BMP6: variants seen among roughly 807,000 people sequenced by gnomAD.
BMP6 encodes the protein VG-1-R.
BMP6 carries 17 observed loss-of-function variants against 54.1 expected under a neutral mutation model. That is an observed-to-expected ratio of 0.31 (90% CI 0.22 to 0.47). The LOEUF (loss-of-function observed/expected upper bound fraction) is 0.47. Ranked by LOEUF, BMP6 falls within the 20% of genes least tolerant of loss-of-function variation. The probability of loss-of-function intolerance (pLI) is 1.00; values close to 1 mark genes in which losing one functional copy is unlikely to be tolerated. For synonymous variants in BMP6, 328 were observed against 291.2 expected (o/e 1.13, Z -1.28); for missense variants, 720 against 690.4 (o/e 1.04, Z -0.48).
At chr6:7,774,149 C>T (rs1440183910) in intron 1 of BMP6, among the ~76,000 whole-genome samples, 1 of 152,178 alleles carries the variant, frequency 6.6e-6, no homozygotes, top group Non-Finnish European at 1.5e-5. Context: ...TGAAGAGAGA[C>T]ACATGGAACT....
In BMP6 at chr6:7,794,718, A is replaced by C. The variant is rs563997193; in HGVS notation, c.665-50422A>C. Among the ~76,000 whole-genome samples the C allele has an allele frequency of 3.3e-4, 50 of 152,338 alleles. 1 individual carries two copies. The South Asian group carries it at 7.2e-3, about 22-fold the overall frequency. On this transcript the variant is annotated intron_variant, in intron 1 of 6. Transcript: ENST00000283147. ...TACAACCTTAGGAGATCGTATTCTC[A>C]GCCCTAGGTTGAAGGTGAGGAAATG... is the stretch of plus-strand genomic sequence containing the variant.
At chr6:7,768,748 A>G (rs80105521) in intron 1 of BMP6, among the ~76,000 whole-genome samples, 1 of 152,180 alleles carries the variant, frequency 6.6e-6, no homozygotes, top group Non-Finnish European at 1.5e-5. Flanking sequence ...ACAGCTTTCT[A>G]AGAGTGCCGA....
intron 1 of BMP6, among the ~76,000 whole-genome samples, chr6:7,820,477 G>A (rs989800334): frequency 3.9e-5 from 6 of 152,260 alleles, no homozygotes; most frequent in East Asian, 3.9e-4. Flanking sequence ...TTTGCTTCAC[G>A]TGACCCCTTC....
At chr6:7,824,621 T>A (rs1758664098) in intron 1 of BMP6, among the ~76,000 whole-genome samples, 1 of 152,232 alleles carries the variant, frequency 6.6e-6, no homozygotes. Flanking sequence ...ACAGAGGTAA[T>A]CTGATAATCC....
At chr6:7,859,043 C>G (rs560392854) in intron 2 of BMP6, among the ~76,000 whole-genome samples, 170 of 152,224 alleles carry the variant, frequency 1.1e-3, no homozygotes, top group African/African-American at 3.8e-3. Flanking sequence ...TCCACATCCA[C>G]GAATCTGCAC....
chr6:7,859,213 G>C (rs1759296796), intron 2 of BMP6, among the ~76,000 whole-genome samples: 1 of 152,036 alleles, frequency 6.6e-6, no homozygotes, highest in Non-Finnish European at 1.5e-5. Flanking sequence ...ATGTGCGTCT[G>C]CCTCATTCCC....
chr6:7,777,535 G>A (rs1757879399), intron 1 of BMP6, among the ~76,000 whole-genome samples: 1 of 152,120 alleles, frequency 6.6e-6, no homozygotes, highest in Non-Finnish European at 1.5e-5. Flanking sequence ...CTCCCTTGAG[G>A]CCAGTTGGGT....
At chr6:7,844,336 TC>T (rs1401831285) in intron 1 of BMP6, among the ~76,000 whole-genome samples, 4 of 129,262 alleles carry the variant, frequency 3.1e-5, no homozygotes, top group Admixed American at 2.5e-4. Context: ...TTCTATCCTT[TC>T]CCCCCAGTTT....
chr6:7,859,604 G>A (rs1434286377), intron 2 of BMP6, among the ~76,000 whole-genome samples: 4 of 152,102 alleles, frequency 2.6e-5, no homozygotes, highest in African/African-American at 7.2e-5. Context: ...GAACAGAATT[G>A]ATGTCCTCTT....
intron 1 of BMP6, among the ~76,000 whole-genome samples, chr6:7,811,162 G>T (rs1384942263): frequency 6.6e-6 from 1 of 152,180 alleles, no homozygotes; most frequent in Admixed American, 6.5e-5. Context: ...GTAAATTGGG[G>T]CTATTCTCGT....
chr6:7,848,783 A>T (rs918434197), intron 2 of BMP6, among the ~76,000 whole-genome samples: 1 of 152,200 alleles, frequency 6.6e-6, no homozygotes, highest in Non-Finnish European at 1.5e-5. Flanking sequence ...AGTTTACTTC[A>T]TGGTATTGCA....
At position 7,809,855 on chromosome 6, in the gene BMP6, A is replaced by G. The variant is rs551290271; in HGVS notation, c.665-35285A>G. On this transcript the variant is annotated intron_variant, in intron 1 of 6. Transcript: ENST00000283147. ...ATGCTTAGGAATTTTTCTAGGGAAC[A>G]AAACATTATCAAAGACAGCAAAATT... Among the ~76,000 whole-genome samples the G allele has an allele frequency of 9.8e-5, 15 of 152,306 alleles. No individual in the cohort carries two copies. The East Asian group carries it at 2.7e-3, about 27-fold the overall frequency.
rs546792191 is a variant in BMP6 at position 7,807,944 on chromosome 6, G to A, written c.665-37196G>A. The stretch of plus-strand genomic sequence containing the variant: ...TTTTTTTTTTTTTTTTTTTTGAGAC[G>A]GAGTCTTGCTCTGTTGCCCAGGCTG... On this transcript the variant is annotated intron_variant, in intron 1 of 6. Transcript: ENST00000283147. Among the ~76,000 whole-genome samples, 19 of 135,404 alleles carry A rather than the reference G, an allele frequency of 1.4e-4. No individual in the cohort carries two copies. The South Asian group carries it at 3.1e-3, about 22-fold the overall frequency. The allele number at this position is 135,404 out of a possible 152,430, so 88.8% of individuals were successfully genotyped here. A position where few individuals can be genotyped will look rare whatever the true frequency, so the allele number is the denominator to read the frequency against.
At chr6:7,840,860 C>G (rs1208150429) in intron 1 of BMP6, among the ~76,000 whole-genome samples, 1 of 152,194 alleles carries the variant, frequency 6.6e-6, no homozygotes, top group Non-Finnish European at 1.5e-5. Context: ...GAGCCAGCCA[C>G]CAAGGCTGAT....
chr6:7,823,654 A>G (rs1421660671), intron 1 of BMP6, among the ~76,000 whole-genome samples: 2 of 152,158 alleles, frequency 1.3e-5, no homozygotes, highest in Admixed American at 6.5e-5. Context: ...TGAGGAGATG[A>G]TATGTGAGCA....
chr6:7,808,437 C>G (rs1758384976), intron 1 of BMP6, among the ~76,000 whole-genome samples: 1 of 152,142 alleles, frequency 6.6e-6, no homozygotes, highest in African/African-American at 2.4e-5. Flanking sequence ...CTTAACAAAA[C>G]CAATCGCCTG....
chr6:7,773,143 C>T (rs912476630), intron 1 of BMP6, among the ~76,000 whole-genome samples: 12 of 152,198 alleles, frequency 7.9e-5, no homozygotes, highest in Non-Finnish European at 1.8e-4. Flanking sequence ...TTTTGCCCAA[C>T]TGATGCCTGA....
chr6:7,812,483 TG>T (rs1406420044), intron 1 of BMP6, among the ~76,000 whole-genome samples: 1 of 152,184 alleles, frequency 6.6e-6, no homozygotes, highest in African/African-American at 2.4e-5. Flanking sequence ...ATAATGTACA[TG>T]TACACATGTA....
chr6:7,786,119 A>G (rs558532901), intron 1 of BMP6, among the ~76,000 whole-genome samples: 1 of 152,352 alleles, frequency 6.6e-6, no homozygotes, highest in East Asian at 1.9e-4. Context: ...TCTAAGCTCC[A>G]TCTGCAATAA....
Sources: allele counts gnomAD v4.1 joint callset (sites outside exome capture counted in the v4.1 genomes callset), GRCh38; gene constraint gnomAD v4.1.1; transcripts MANE v1.5; gene names NCBI Gene and HGNC (gene_info 2026-07-23, HGNC 2026-07-21).